ETFA: variants seen among roughly 807,000 people sequenced by gnomAD.
The protein encoded by ETFA is electron transfer flavoprotein subunit alpha.
A neutral mutation model predicts 46.2 loss-of-function variants in ETFA; 22 were observed. That is an observed-to-expected ratio of 0.48 (90% CI 0.34 to 0.68). The LOEUF (loss-of-function observed/expected upper bound fraction) is 0.68, where lower values mean the gene tolerates loss of function less well. ETFA is among the 30% of genes least tolerant of loss of function. The pLI, the probability that ETFA is intolerant of heterozygous loss-of-function variation, is 0.01. For missense variants in ETFA, 345 were observed against 401.1 expected (o/e 0.86, Z 1.19); for synonymous variants, 131 against 139.9 (o/e 0.94, Z 0.45).
intron 8 of ETFA, among the ~76,000 whole-genome samples, chr15:76,277,862 T>A (rs964417834): frequency 1.3e-5 from 2 of 152,166 alleles, no homozygotes; most frequent in Non-Finnish European, 2.9e-5. Context: ...CAAGTCCCCC[T>A]ACCCCACCAC....
chr15:76,281,045 GCTAGGA>G (rs2039644874), intron 8 of ETFA, among the ~76,000 whole-genome samples: 1 of 150,754 alleles, frequency 6.6e-6, no homozygotes, highest in Non-Finnish European at 1.5e-5. Flanking sequence ...CTCCTGAGTA[GCTAGGA>G]CTACAGGTAC....
chr15:76,238,457 T>TA (rs1440011277), intron 9 of ETFA, among the ~76,000 whole-genome samples: 1 of 152,176 alleles, frequency 6.6e-6, no homozygotes, highest in Non-Finnish European at 1.5e-5. Context: ...AGAGATCCAA[T>TA]GTTATGTGCT....
chr15:76,222,126 C>A (rs1009360266), intron 11 of ETFA, among the ~76,000 whole-genome samples: 1 of 151,084 alleles, frequency 6.6e-6, no homozygotes, highest in Non-Finnish European at 1.5e-5. Flanking sequence ...TTAATTCTCA[C>A]CCATAATTTG....
At chr15:76,284,469 A>G (rs1172440937) in intron 7 of ETFA, 30 of 209,138 alleles carry the variant, frequency 1.4e-4, no homozygotes, top group African/African-American at 2.4e-5. Context: ...TACTAAAAAT[A>G]CAAAATTATT....
intron 9 of ETFA, among the ~76,000 whole-genome samples, chr15:76,247,642 G>T (rs937386280): frequency 3.3e-5 from 5 of 152,026 alleles, no homozygotes; most frequent in Non-Finnish European, 5.9e-5. Flanking sequence ...AGAGTTATTT[G>T]CATTCATCAT....
chr15:76,309,142 T>C (rs1248756995), intron 1 of ETFA, among the ~76,000 whole-genome samples: 1 of 152,210 alleles, frequency 6.6e-6, no homozygotes, highest in African/African-American at 2.4e-5. Context: ...TCCAACATTC[T>C]TAATGACTTT....
chr15:76,244,263 C>T (rs1219289238), intron 9 of ETFA, among the ~76,000 whole-genome samples: 1 of 152,112 alleles, frequency 6.6e-6, no homozygotes, highest in Non-Finnish European at 1.5e-5. Context: ...CATTTAAGCA[C>T]CTTCTAAAAT....
chr15:76,259,422 G>C, intron 9 of ETFA: 1 of 1,175,724 alleles, frequency 8.5e-7, no homozygotes, highest in Non-Finnish European at 1.3e-6. Flanking sequence ...TGGATGGAGT[G>C]GGAGTGTAAG....
At chr15:76,270,972 C>T (rs548322178) in intron 9 of ETFA, among the ~76,000 whole-genome samples, 15 of 152,170 alleles carry the variant, frequency 9.9e-5, no homozygotes, top group African/African-American at 3.6e-4. Context: ...GGGTTCCAGA[C>T]CAGCCTAGCC....
intron 9 of ETFA, among the ~76,000 whole-genome samples, chr15:76,241,136 A>G (rs2039181481): frequency 6.6e-6 from 1 of 152,112 alleles, no homozygotes; most frequent in Non-Finnish European, 1.5e-5. Flanking sequence ...ATTTGTGTCT[A>G]TGATATCAAA....
chr15:76,292,483 TGA>T lies in ETFA; in HGVS notation c.297_298del (p.Gln100GlufsTer28). 1 of 1,613,966 alleles carries T rather than the reference TGA, an allele frequency of 6.2e-7. No homozygotes were observed. Among genetic ancestry groups the T allele is most frequent in the Non-Finnish European group, 8.5e-7 (1 of 1,179,796 alleles). On this transcript the variant is annotated frameshift_variant, in exon 4 of 12. Transcript: ENST00000557943. LOFTEE classifies it high-confidence loss of function. ...GATGTGTGTGTAATTGAACTGCTTC[TGA>T]GTTGCCAAAATCAATGGTGTCAGTT... is the stretch of plus-strand genomic sequence containing the variant.
Position 76,220,668 on chromosome 15 carries a change from A to T in ETFA, c.964-4071T>A, listed in dbSNP as rs529343880. Among the ~76,000 whole-genome samples, 114 of 152,324 alleles carry T rather than the reference A, an allele frequency of 7.5e-4. 3 individuals carry two copies. In the South Asian group the frequency reaches 0.011, roughly 15 times the overall value. On this transcript the variant is annotated intron_variant, in intron 11 of 11. Transcript: ENST00000557943. ...TAATGTGATTTAAAAATTACAAAGG[A>T]TCTAAATAAACTTTCTCCAAACAAA...
chr15:76,236,267 C>T (rs183787946), intron 9 of ETFA, among the ~76,000 whole-genome samples: 53 of 152,290 alleles, frequency 3.5e-4, no homozygotes, highest in Admixed American at 3.5e-3. Flanking sequence ...TTCGATACAT[C>T]TATACTTATA....
chr15:76,217,200 A>G (rs2038905393), intron 11 of ETFA, among the ~76,000 whole-genome samples: 1 of 152,130 alleles, frequency 6.6e-6, no homozygotes. Flanking sequence ...GTCTGGGTGA[A>G]GAGTACTGTG....
intron 9 of ETFA, among the ~76,000 whole-genome samples, chr15:76,257,187 G>T (rs1195536742): frequency 6.6e-6 from 1 of 152,144 alleles, no homozygotes; most frequent in Non-Finnish European, 1.5e-5. Flanking sequence ...CACCAAGGCT[G>T]GGGCCCAGGT....
At chr15:76,253,844 A>G (rs2039325147) in intron 9 of ETFA, among the ~76,000 whole-genome samples, 2 of 152,264 alleles carry the variant, frequency 1.3e-5, no homozygotes, top group African/African-American at 4.8e-5. Context: ...ACTCTGCACT[A>G]GTCAGAGCAC....
chr15:76,217,335 T>C (rs2038906704), intron 11 of ETFA, among the ~76,000 whole-genome samples: 1 of 152,220 alleles, frequency 6.6e-6, no homozygotes. Context: ...TCCTTTATAC[T>C]TGTTCTCTCA....
intron 4 of ETFA, among the ~76,000 whole-genome samples, chr15:76,290,773 A>C (rs1315310802): frequency 6.6e-6 from 1 of 152,240 alleles, no homozygotes; most frequent in Non-Finnish European, 1.5e-5. Flanking sequence ...AAAAGAATGT[A>C]CAATTGTTAA....
chr15:76,271,595 C>T (rs748855955), intron 9 of ETFA, among the ~76,000 whole-genome samples: 14 of 152,122 alleles, frequency 9.2e-5, no homozygotes, highest in Non-Finnish European at 1.3e-4. Context: ...CTATAAAGGA[C>T]ATTTTTGGAA....
Sources: allele counts gnomAD v4.1 joint callset (sites outside exome capture counted in the v4.1 genomes callset), GRCh38; gene constraint gnomAD v4.1.1; transcripts MANE v1.5; gene names NCBI Gene and HGNC (gene_info 2026-07-23, HGNC 2026-07-21).